The following TRPM3 variants were observed in gnomAD, a reference collection of about 807,000 sequenced individuals.
The protein encoded by TRPM3 is transient receptor potential cation channel subfamily M member 3, also known as long transient receptor potential channel 3.
Under a neutral mutation model 181.2 loss-of-function variants are expected in TRPM3, and 77 were observed. That is an observed-to-expected ratio of 0.42 (90% CI 0.35 to 0.51). The LOEUF (loss-of-function observed/expected upper bound fraction) is 0.51, where lower values mean the gene tolerates loss of function less well. TRPM3 is among the 20% of genes least tolerant of loss of function. The pLI is 0.01. For synonymous variants in TRPM3, 745 were observed against 796.4 expected, an observed-to-expected ratio of 0.94 and a Z score of 1.09; for missense variants, 1,759 against 2,196.7, an observed-to-expected ratio of 0.80 and a Z score of 3.98.
rs1467912550 is a variant in TRPM3, at chr9:71,143,552, G to A, written c.184-279041C>T. Among the ~76,000 whole-genome samples the A allele has an allele frequency of 3.9e-5, 6 of 152,094 alleles. No individual in the cohort carries two copies. The East Asian group carries it at 1.2e-3, about 29-fold the overall frequency. On this transcript the variant is annotated intron_variant, in intron 1 of 24. Transcript: ENST00000357533. ...TTTTATGGCTGCATAGGATTCCATG[G>A]GGTATATGTGCCACATTTTCTTTAT...
intron 1 of TRPM3, among the ~76,000 whole-genome samples, chr9:71,202,834 T>G (rs2078890050): frequency 6.6e-6 from 1 of 152,138 alleles, no homozygotes; most frequent in South Asian, 2.1e-4. Context: ...CTCATAGAGG[T>G]GTTAGAAGGA....
At chr9:70,752,332 A>G (rs1202727036) in intron 8 of TRPM3, among the ~76,000 whole-genome samples, 1 of 152,226 alleles carries the variant, frequency 6.6e-6, no homozygotes, top group Non-Finnish European at 1.5e-5. Flanking sequence ...GGACCATTAA[A>G]TAAATGACGC....
At chr9:70,672,415 A>C (rs1252826971) in intron 9 of TRPM3, among the ~76,000 whole-genome samples, 1 of 152,218 alleles carries the variant, frequency 6.6e-6, no homozygotes, top group Non-Finnish European at 1.5e-5. Flanking sequence ...CAAGAGATAC[A>C]GGACAGACTC....
Position 70,536,604 on chromosome 9 carries a change from C to T in TRPM3, c.4509G>A (p.Pro1503=), listed in dbSNP as rs750637892. Residue 1503 remains proline (P), a synonymous_variant, in exon 26 of 26, where the codon CCG becomes CCA. Transcript: ENST00000677713. ...ECQNPWDSEP[P]MYHTIERSKS... The stretch of plus-strand genomic sequence containing the variant: ...TGGAACGCTCAATGGTGTGGTACAT[C>T]GGAGGCTCTGAGTCCCAGGGGTTTT... 21 of 1,613,860 alleles carry T rather than the reference C, an allele frequency of 1.3e-5. No homozygotes were observed. Among genetic ancestry groups the T allele is most frequent in the Admixed American group, 3.3e-5 (2 of 59,984 alleles).
At chr9:71,134,894 G>A (rs2074669364) in intron 1 of TRPM3, among the ~76,000 whole-genome samples, 1 of 152,112 alleles carries the variant, frequency 6.6e-6, no homozygotes, top group Admixed American at 6.5e-5. Context: ...CTGTCCACCT[G>A]GTACTAAATC....
intron 1 of TRPM3, among the ~76,000 whole-genome samples, chr9:71,348,662 T>C (rs1277216084): frequency 6.6e-6 from 1 of 151,974 alleles, no homozygotes; most frequent in Non-Finnish European, 1.5e-5. Flanking sequence ...CTCAGCCTCC[T>C]GGGTTCAAGC....
At chr9:71,358,743 A>T (rs1171416719) in intron 1 of TRPM3, among the ~76,000 whole-genome samples, 1 of 152,184 alleles carries the variant, frequency 6.6e-6, no homozygotes, top group Non-Finnish European at 1.5e-5. Flanking sequence ...TAAAGTTGTG[A>T]TGTGACATCT....
chr9:70,990,168 A>G (rs966502480), intron 1 of TRPM3, among the ~76,000 whole-genome samples: 13 of 152,192 alleles, frequency 8.5e-5, no homozygotes, highest in African/African-American at 3.1e-4. Context: ...CTGAGACAAG[A>G]TGCACTATTT....
At chr9:70,879,323 A>G (rs1215479303) in intron 1 of TRPM3, among the ~76,000 whole-genome samples, 1 of 152,110 alleles carries the variant, frequency 6.6e-6, no homozygotes, top group African/African-American at 2.4e-5. Context: ...TTACTGTTGC[A>G]TTTCATTTAA....
intron 1 of TRPM3, among the ~76,000 whole-genome samples, chr9:70,877,915 A>C (rs2095899774): frequency 6.6e-6 from 1 of 152,042 alleles, no homozygotes; most frequent in South Asian, 2.1e-4. Flanking sequence ...GTGATGGTAT[A>C]TTATATACTA....
chr9:70,999,329 C>T (rs1257313517), intron 1 of TRPM3, among the ~76,000 whole-genome samples: 2 of 152,180 alleles, frequency 1.3e-5, no homozygotes, highest in African/African-American at 4.8e-5. Context: ...TCTTGTTCAA[C>T]CTCCTTCAGG....
chr9:70,658,435 A>G (rs1178091985), intron 9 of TRPM3, among the ~76,000 whole-genome samples: 2 of 152,180 alleles, frequency 1.3e-5, no homozygotes, highest in Non-Finnish European at 2.9e-5. Flanking sequence ...TATAAAAATT[A>G]TACAGGAAGC....
At chr9:70,804,193 G>A (rs917901142) in intron 6 of TRPM3, among the ~76,000 whole-genome samples, 20 of 152,216 alleles carry the variant, frequency 1.3e-4, no homozygotes, top group African/African-American at 4.6e-4. Context: ...AACTGGGCTT[G>A]GTGGCAGGCA....
At chr9:70,636,692 C>CTTTTT (rs11380206) in intron 11 of TRPM3, among the ~76,000 whole-genome samples, 2 of 135,144 alleles carry the variant, frequency 1.5e-5, no homozygotes, top group Non-Finnish European at 1.6e-5. Context: ...ATAGTGATGG[C>CTTTTT]TTTTTTTTTT....
intron 1 of TRPM3, among the ~76,000 whole-genome samples, chr9:71,417,949 T>C (rs2093662350): frequency 6.6e-6 from 1 of 152,020 alleles, no homozygotes; most frequent in Admixed American, 6.6e-5. Context: ...TTGATGATTT[T>C]TTAAGTTTCT....
intron 25 of TRPM3, among the ~76,000 whole-genome samples, chr9:70,540,195 T>G (rs2042924146): frequency 6.6e-6 from 1 of 152,222 alleles, no homozygotes; most frequent in South Asian, 2.1e-4. Flanking sequence ...GGAGGATAGA[T>G]CATGCATTTC....
intron 1 of TRPM3, among the ~76,000 whole-genome samples, chr9:71,337,237 A>G (rs1033517629): frequency 1.1e-4 from 17 of 152,244 alleles, no homozygotes; most frequent in African/African-American, 4.1e-4. Context: ...ATTTACAAGA[A>G]AAAAACAAAC....
intron 1 of TRPM3, among the ~76,000 whole-genome samples, chr9:70,996,410 T>A (rs2097541661): frequency 6.6e-6 from 1 of 152,158 alleles, no homozygotes; most frequent in African/African-American, 2.4e-5. Flanking sequence ...ACTATGCCCA[T>A]CTCTGTCCAC....
intron 25 of TRPM3, among the ~76,000 whole-genome samples, chr9:70,547,548 A>T (rs911760952): frequency 6.6e-6 from 1 of 151,806 alleles, no homozygotes; most frequent in Non-Finnish European, 1.5e-5. Context: ...AAAAAAAAAA[A>T]AAAAACCCAA....
Sources: allele counts gnomAD v4.1 joint callset (sites outside exome capture counted in the v4.1 genomes callset), GRCh38; gene constraint gnomAD v4.1.1; transcripts MANE v1.5; gene names NCBI Gene and HGNC (gene_info 2026-07-23, HGNC 2026-07-21).